RANBP17: variants seen among roughly 807,000 people sequenced by gnomAD.
The protein encoded by RANBP17 is ran-binding protein 17.
RANBP17 carries 158 observed loss-of-function variants against 141.2 expected under a neutral mutation model. That is an observed-to-expected ratio of 1.12 (90% CI 0.98 to 1.28). RANBP17 has a LOEUF of 1.28. Ranked by LOEUF, RANBP17 falls within the 50% of genes most tolerant of loss-of-function variation. The pLI is 0.00. For synonymous variants in RANBP17, 430 were observed against 450.0 expected, an observed-to-expected ratio of 0.96 and a Z score of 0.56; for missense variants, 1,438 against 1,290.7, an observed-to-expected ratio of 1.11 and a Z score of -1.75.
chr5:171,298,003 C>T (rs1768928966), intron 27 of RANBP17, among the ~76,000 whole-genome samples: 1 of 151,614 alleles, frequency 6.6e-6, no homozygotes, highest in Non-Finnish European at 1.5e-5. Flanking sequence ...ATTACAGGTG[C>T]CCACCACCAC....
intron 12 of RANBP17, among the ~76,000 whole-genome samples, chr5:170,948,241 C>T (rs1283381365): frequency 3.3e-5 from 5 of 151,890 alleles, no homozygotes; most frequent in African/African-American, 1.2e-4. Flanking sequence ...AATGTAAGTG[C>T]AAGGCAGAGA....
At chr5:171,220,409 A>G (rs1479513010) in intron 21 of RANBP17, among the ~76,000 whole-genome samples, 1 of 114,026 alleles carries the variant, frequency 8.8e-6, no homozygotes, top group African/African-American at 3.5e-5. Context: ...AGCTGTTCCT[A>G]TTTGGCCATC....
chr5:171,046,600 T>A (rs1465399517), intron 14 of RANBP17, among the ~76,000 whole-genome samples: 1 of 152,196 alleles, frequency 6.6e-6, no homozygotes, highest in Admixed American at 6.5e-5. Flanking sequence ...TATATTTTTT[T>A]AAATTATCTT....
intron 25 of RANBP17, among the ~76,000 whole-genome samples, chr5:171,289,804 C>A (rs866167849): frequency 3.8e-4 from 57 of 151,584 alleles, no homozygotes; most frequent in African/African-American, 1.4e-3. Context: ...CCAAGGCAGG[C>A]AGATCACTTG....
At chr5:170,956,123 A>G (rs903119905) in intron 13 of RANBP17, among the ~76,000 whole-genome samples, 3 of 151,770 alleles carry the variant, frequency 2.0e-5, no homozygotes, top group East Asian at 3.9e-4. Flanking sequence ...AAATTTTCCA[A>G]TTAATGCCAA....
At position 171,299,234 on chromosome 5, in the gene RANBP17, G is replaced by A; in HGVS notation, c.*376G>A. ...AGGTTGTCAATTTGTTGGAGATGCA[G>A]CCTTCACCATGGATCCTGGATTGAG... On this transcript the variant is annotated 3_prime_UTR_variant, in exon 28 of 28. Transcript: ENST00000523189. 1 of 251,844 alleles carries A rather than the reference G, an allele frequency of 4.0e-6. No individual in the cohort carries two copies. Among genetic ancestry groups the A allele is most frequent in the Non-Finnish European group, 7.7e-6 (1 of 129,070 alleles). The allele number at this position is 251,844 out of a possible 1,614,324, so 15.6% of individuals were successfully genotyped here. A position where few individuals can be genotyped will look rare whatever the true frequency, so the allele number is the denominator to read the frequency against.
intron 14 of RANBP17, among the ~76,000 whole-genome samples, chr5:171,042,835 T>A (rs2127637860): frequency 6.6e-6 from 1 of 152,272 alleles, no homozygotes; most frequent in African/African-American, 2.4e-5. Flanking sequence ...GCTCCTACTC[T>A]TAAATTTGTG....
intron 22 of RANBP17, among the ~76,000 whole-genome samples, chr5:171,228,470 G>A (rs933376071): frequency 1.3e-5 from 2 of 152,330 alleles, no homozygotes; most frequent in South Asian, 4.1e-4. Flanking sequence ...ACCAAAGAAA[G>A]TGGTGTCTTG....
At chr5:171,116,670 G>A (rs898812213) in intron 14 of RANBP17, among the ~76,000 whole-genome samples, 5 of 152,122 alleles carry the variant, frequency 3.3e-5, no homozygotes, top group Admixed American at 6.5e-5. Context: ...TCATTTCTTG[G>A]TAATATACAA....
intron 18 of RANBP17, among the ~76,000 whole-genome samples, chr5:171,197,761 G>A (rs553651469): frequency 9.8e-5 from 15 of 152,314 alleles, no homozygotes; most frequent in East Asian, 9.6e-4. Context: ...CCAGGCGGCC[G>A]GGCGCTGTGG....
intron 3 of RANBP17, among the ~76,000 whole-genome samples, chr5:170,883,285 T>C (rs1768868727): frequency 2.6e-5 from 4 of 152,198 alleles, no homozygotes; most frequent in African/African-American, 9.7e-5. Context: ...ATAGACTTAA[T>C]TTTTTTAGAG....
chr5:171,186,788 G>A (rs1761290572), intron 18 of RANBP17, among the ~76,000 whole-genome samples: 2 of 151,680 alleles, frequency 1.3e-5, no homozygotes, highest in Admixed American at 6.6e-5. Flanking sequence ...CGCCCGCCTC[G>A]GCCTCCCAAC....
intron 13 of RANBP17, among the ~76,000 whole-genome samples, chr5:170,967,531 C>T (rs1009391078): frequency 1.7e-4 from 26 of 151,386 alleles, no homozygotes; most frequent in Non-Finnish European, 3.0e-4. Flanking sequence ...TGAGGTTCTG[C>T]ACTAAGTTTT....
At chr5:170,916,093 T>G (rs1371926092) in intron 8 of RANBP17, among the ~76,000 whole-genome samples, 1 of 150,542 alleles carries the variant, frequency 6.6e-6, no homozygotes, top group East Asian at 2.0e-4. Context: ...TATTCTATAT[T>G]GCATTATCAT....
intron 14 of RANBP17, chr5:171,143,365 G>T (rs1258315684): frequency 1.3e-5 from 2 of 152,252 alleles, no homozygotes; most frequent in Non-Finnish European, 2.9e-5. Flanking sequence ...GGGGCAGGGA[G>T]GGGAGGAGGA....
intron 12 of RANBP17, among the ~76,000 whole-genome samples, chr5:170,931,116 T>G (rs945240776): frequency 3.3e-5 from 5 of 152,298 alleles, no homozygotes; most frequent in South Asian, 2.1e-4. Flanking sequence ...ACTGGTGTGA[T>G]ATGGTATCTC....
chr5:171,088,163 GTGACAAAA>G lies in RANBP17; in HGVS notation c.1711-81965_1711-81958del, dbSNP rs1232125067. Among the ~76,000 whole-genome samples the G allele has an allele frequency of 1.4e-4, 21 of 151,824 alleles. 1 individual carries two copies. The highest frequency in any genetic ancestry group is 2.8e-4 in the Non-Finnish European group (19 of 67,962). ...GAGCTCTTTTAGGGCAGGCCTGGTG[GTGACAAAA>G]TCGGTCAGCATTTGCTTGTCTGTAA... On this transcript the variant is annotated intron_variant, in intron 14 of 27. Transcript: ENST00000523189.
At chr5:170,891,770 C>A (rs1027664691) in intron 3 of RANBP17, among the ~76,000 whole-genome samples, 8 of 152,126 alleles carry the variant, frequency 5.3e-5, no homozygotes, top group Admixed American at 2.6e-4. Flanking sequence ...AATCCAATCA[C>A]CTCCCAACAG....
chr5:170,914,257 C>G lies in RANBP17; in HGVS notation c.834+17C>G. ...TCTCAGTTAGTAAGTAAAAGTCATT[C>G]GTTATTTCGTTAAAAAATACCTGTG... On this transcript the variant is annotated intron_variant, in intron 8 of 27. Coordinates refer to ENST00000523189, the MANE Select transcript of RANBP17 (RefSeq NM_022897.5). 1 of 1,498,748 alleles carries G rather than the reference C, an allele frequency of 6.7e-7. No individual in the cohort carries two copies. Among genetic ancestry groups the G allele is most frequent in the South Asian group, 1.1e-5 (1 of 88,020 alleles). 92.8% of individuals were successfully genotyped at this position (1,498,748 alleles called of 1,614,324 possible).
Sources: allele counts gnomAD v4.1 joint callset (sites outside exome capture counted in the v4.1 genomes callset), GRCh38; gene constraint gnomAD v4.1.1; transcripts MANE v1.5; gene names NCBI Gene and HGNC (gene_info 2026-07-23, HGNC 2026-07-21).